PLXNB1: variants seen among roughly 807,000 people sequenced by gnomAD.
PLXNB1 encodes the protein plexin B1.
Under a neutral mutation model 209.4 loss-of-function variants are expected in PLXNB1, and 106 were observed. The observed-to-expected ratio is 0.51, with a 90% CI of 0.43 to 0.59. The LOEUF is 0.59. Among genes scored for constraint, PLXNB1 ranks in the 20% least tolerant of loss-of-function variants. The probability of loss-of-function intolerance (pLI) is 0.00; values close to 1 mark genes in which losing one functional copy is unlikely to be tolerated. For synonymous variants in PLXNB1, 1,167 were observed against 1,183.2 expected, an observed-to-expected ratio of 0.99 and a Z score of 0.28; for missense variants, 2,357 against 2,853.2, an observed-to-expected ratio of 0.83 and a Z score of 3.96.
chr3:48,424,468 G>A lies in PLXNB1; in HGVS notation c.144C>T (p.Tyr48=), dbSNP rs1281241830. 10 of 1,600,138 alleles carry A rather than the reference G, an allele frequency of 6.2e-6. No homozygotes were observed. The highest frequency in any genetic ancestry group is 1.3e-5 in the African/African-American group (1 of 74,682). ...LARDPTSGTL[Y]LGATNFLFQL... ...GGAACAGGAAGTTGGTAGCCCCCAG[G>A]TAGAGGGTGCCTGAGGTGGGGTCCC... The change falls in exon 3 of 38, where the codon TAC becomes TAT. Residue 48 remains tyrosine (Y), a synonymous_variant. Coordinates refer to ENST00000296440, the MANE Select transcript of PLXNB1 (RefSeq NM_001130082.3).
rs1239274660 is a variant in PLXNB1 at position 48,405,038 on chromosome 3, G to A, written c.6304-448C>T. ...AACCGGTAGGAACCGGAGGGCAGCAGCACTTGGGAAAACAGCTACTGCCCA... is the reference window on the plus strand; with the variant it reads ...AACCGGTAGGAACCGGAGGGCAGCAACACTTGGGAAAACAGCTACTGCCCA... On this transcript the variant is annotated intron_variant, in intron 37 of 37. Transcript: ENST00000296440. The surrounding 1 kb of genome is among the most constrained non-coding windows in gnomAD (Gnocchi z 5.0). Among the ~76,000 whole-genome samples the A allele has an allele frequency of 1.3e-5, 2 of 152,172 alleles. No individual in the cohort carries two copies. The highest frequency in any genetic ancestry group is 1.5e-5 in the Non-Finnish European group (1 of 68,024).
In PLXNB1 at chr3:48,413,179, C is replaced by T; in HGVS notation, c.4536-10G>A. 6.2e-7 allele frequency: 1 copy of T among 1,605,498 alleles called. No individual in the cohort carries two copies. Among genetic ancestry groups the T allele is most frequent in the African/African-American group, 1.3e-5 (1 of 74,946 alleles). ...CTGCTTGCTCTTCCTCCTGCTCAGC[C>T]CCAGGGTCAGGAGAGGATGGCCAGA... On this transcript the variant is annotated splice_polypyrimidine_tract_variant and intron_variant, in intron 23 of 37. Transcript: ENST00000296440. This position sits in a 1 kb window ranked among gnomAD's most constrained non-coding sequence, Gnocchi z 5.4.
At chr3:48,423,096 T>C in intron 3 of PLXNB1, 149 bp from the exon 4 acceptor site, 1 of 665,942 alleles carries the variant, frequency 1.5e-6, no homozygotes, top group East Asian at 2.7e-5. Flanking sequence ...TGGGACAATC[T>C]CATCCCCGCC....
rs1325185334 is a variant in PLXNB1 at position 48,420,652 on chromosome 3, A to C, written c.2028+13T>G. The C allele has an allele frequency of 6.2e-7, 1 of 1,608,546 alleles. No homozygotes were observed. The highest frequency in any genetic ancestry group is 1.3e-5 in the African/African-American group (1 of 74,908). ...AACCCCCCCGGTATGGCCCAGCCCA[A>C]AGTCACACTCACCTGATGGCTTGCA... is the stretch of plus-strand genomic sequence containing the variant. On this transcript the variant is annotated intron_variant, in intron 10 of 37. Transcript: ENST00000296440.
Position 48,422,161 on chromosome 3 carries a change from A to C in PLXNB1, c.1464T>G (p.Cys488Trp), listed in dbSNP as rs1354438823. ...GGTCCCTGTGAGCAAGGCAAGATGC[A>C]CAGTCCAGGTGCTGAGCACAGGAAG... ...PVASCAQHLD[C>W]ASCLAHRDPY... Residue 488 changes from cysteine (C) to tryptophan (W), a missense_variant, in exon 6 of 38, where the codon TGT becomes TGG. This residue lies in a region of PLXNB1 where 214 missense variants were observed against 297.1 expected (regional missense o/e 0.72). Transcript: ENST00000296440. 6.2e-7 allele frequency: 1 copy of C among 1,614,178 alleles called. No individual in the cohort carries two copies. Among genetic ancestry groups the C allele is most frequent in the Admixed American group, 1.7e-5 (1 of 60,026 alleles).
chr3:48,404,772 A>C (rs1045931350), intron 37 of PLXNB1, among the ~76,000 whole-genome samples, 182 bp from the exon 38 acceptor site: 3 of 152,036 alleles, frequency 2.0e-5, no homozygotes, highest in African/African-American at 7.2e-5. Flanking sequence ...AATAACATCA[A>C]AGTCACCGCG....
rs1305597887 is a variant in PLXNB1 at position 48,416,741 on chromosome 3, T to C, written c.3375-290A>G. ...AATTTACAAAGGGGCCCTGTCAGCC[T>C]GGTTGTGGGGCGAGCTGCTGAGCAA... On this transcript the variant is annotated intron_variant, in intron 16 of 37. Coordinates refer to ENST00000296440, the MANE Select transcript of PLXNB1 (RefSeq NM_001130082.3). The surrounding 1 kb of genome is among the most constrained non-coding windows in gnomAD (Gnocchi z 4.1). The C allele has an allele frequency of 1.4e-5, 4 of 280,222 alleles. No homozygotes were observed. In the East Asian group the frequency reaches 2.2e-4, roughly 15 times the overall value. 17.4% of individuals were successfully genotyped at this position (280,222 alleles called of 1,614,324 possible). A position where few individuals can be genotyped will look rare whatever the true frequency, so the allele number is the denominator to read the frequency against.
In PLXNB1 at chr3:48,429,660, T is replaced by A. The variant is rs1167458210; in HGVS notation, c.-60+348A>T. On this transcript the variant is annotated intron_variant, in intron 1 of 37. Coordinates refer to ENST00000296440, the MANE Select transcript of PLXNB1 (RefSeq NM_001130082.3). The surrounding 1 kb of genome is among the most constrained non-coding windows in gnomAD (Gnocchi z 6.4). ...CGCACGGGGGAGGGCGGGGGCGGGC[T>A]GCACCGCGGCGGTCGCCATGGCAAC... Among the ~76,000 whole-genome samples, 1 of 151,820 alleles carries A rather than the reference T, an allele frequency of 6.6e-6. No homozygotes were observed. Among genetic ancestry groups the A allele is most frequent in the African/African-American group, 2.4e-5 (1 of 41,362 alleles).
At chr3:48,426,783 G>A (rs918787161) in intron 1 of PLXNB1, among the ~76,000 whole-genome samples, 1 of 152,184 alleles carries the variant, frequency 6.6e-6, no homozygotes, top group Non-Finnish European at 1.5e-5. Context: ...CCAAGGGGGC[G>A]GGGGGAAGGG....
Position 48,409,571 on chromosome 3 carries a change from C to T in PLXNB1, c.5939G>A (p.Ser1980Asn). 1 of 1,613,848 alleles carries T rather than the reference C, an allele frequency of 6.2e-7. No homozygotes were observed. The highest frequency in any genetic ancestry group is 1.1e-5 in the South Asian group (1 of 91,054). ...QDTIHIWKTNSLPLRFWINII... is the reference protein window; with the variant it reads ...QDTIHIWKTNNLPLRFWINII... ...TAGAGCCCACCCAGCTCCACCCCAC[C>T]TGTTGGTCTTCCAGATGTGGATGGT... The change falls in exon 33 of 38, where the codon AGC becomes AAC. Residue 1980 changes from serine to asparagine, a missense_variant and splice_region_variant. By Grantham distance (46) the Ser-to-Asn change is conservative. Coordinates refer to ENST00000296440, the MANE Select transcript of PLXNB1 (RefSeq NM_001130082.3). The surrounding 1 kb of genome is among the most constrained non-coding windows in gnomAD (Gnocchi z 5.8).
intron 1 of PLXNB1, among the ~76,000 whole-genome samples, chr3:48,425,841 G>C (rs747810571): frequency 0.011 from 1,586 of 148,786 alleles, 8 homozygotes; most frequent in African/African-American, 0.013. Flanking sequence ...CACACAGAGA[G>C]AGAGAGATGC....
Position 48,419,783 on chromosome 3 carries a change from C to A in PLXNB1, c.2503G>T (p.Val835Leu). 1 of 1,601,560 alleles carries A rather than the reference C, an allele frequency of 6.2e-7. No individual in the cohort carries two copies. ...GTGAGCCAGTCCAGGGCGGGCTTCA[C>A]GGAGCCCATGGCCCCTGGGAAAGTG... Reference protein sequence around the residue: ...ATTFPGAMGSVKPALDWLTRE... With the variant: ...ATTFPGAMGSLKPALDWLTRE... Residue 835 changes from valine (V) to leucine (L), a missense_variant, in exon 11 of 38, where the codon GTG becomes TTG. Coordinates refer to ENST00000296440, the MANE Select transcript of PLXNB1 (RefSeq NM_001130082.3). This position sits in a 1 kb window ranked among gnomAD's most constrained non-coding sequence, Gnocchi z 5.7.
At position 48,419,018 on chromosome 3, in the gene PLXNB1, A is replaced by T. The variant is rs1446023259; in HGVS notation, c.2854T>A (p.Cys952Ser). The T allele has an allele frequency of 6.2e-7, 1 of 1,613,648 alleles. No individual in the cohort carries two copies. Among genetic ancestry groups the T allele is most frequent in the Non-Finnish European group, 8.5e-7 (1 of 1,179,926 alleles). The stretch of plus-strand genomic sequence containing the variant: ...TCGAGGCCCTCCAGCTCCATCACAC[A>T]CTCATTGTCTCCTGGGCCATCCTGA... ...LFQDGPGDNE[C>S]VMELEGLEVV... Residue 952 changes from cysteine to serine, a missense_variant, in exon 13 of 38, where the codon TGT becomes AGT. Physicochemically the swap from Cys to Ser is moderately radical, Grantham distance 112. Around this residue, in one of 7 missense-constraint regions of PLXNB1, gnomAD observed 410 missense variants for 401.0 expected, o/e 1.02. Transcript: ENST00000296440. The surrounding 1 kb of genome is among the most constrained non-coding windows in gnomAD (Gnocchi z 5.7).
In PLXNB1 at chr3:48,421,798, C is replaced by T. The variant is rs759375530; in HGVS notation, c.1529G>A (p.Arg510His). The T allele has an allele frequency of 5.6e-6, 9 of 1,597,150 alleles. No homozygotes were observed. The highest frequency in any genetic ancestry group is 3.4e-5 in the Admixed American group (2 of 59,566). The part of the protein sequence containing the change: ...GWCVLLGRCS[R>H]RSECSRGQGP... ...CTGGCCCCTCGAGCACTCAGAACGGCGACTGCACCTGGGCGAGATGACCAG... is the reference window on the plus strand; with the variant it reads ...CTGGCCCCTCGAGCACTCAGAACGGTGACTGCACCTGGGCGAGATGACCAG... The change falls in exon 7 of 38, where the codon CGC becomes CAC. Residue 510 changes from arginine (R) to histidine (H), a missense_variant. Transcript: ENST00000296440.
chr3:48,413,201 C>T lies in PLXNB1; in HGVS notation c.4536-32G>A, dbSNP rs777359207. The T allele has an allele frequency of 6.5e-7, 1 of 1,544,754 alleles. No individual in the cohort carries two copies. The highest frequency in any genetic ancestry group is 1.4e-5 in the African/African-American group (1 of 73,802). On this transcript the variant is annotated intron_variant, in intron 23 of 37. Transcript: ENST00000296440. The surrounding 1 kb of genome is among the most constrained non-coding windows in gnomAD (Gnocchi z 5.4). ...AGCCCCAGGGTCAGGAGAGGATGGCCAGATGAGTCCTACTCGCCCAGGCCT... is the reference window on the plus strand; with the variant it reads ...AGCCCCAGGGTCAGGAGAGGATGGCTAGATGAGTCCTACTCGCCCAGGCCT...
At chr3:48,426,519 T>C (rs77274947) in intron 1 of PLXNB1, among the ~76,000 whole-genome samples, 2,086 of 152,338 alleles carry the variant, frequency 0.014, 45 homozygotes, top group African/African-American at 0.047. Context: ...CGGCTCATCC[T>C]AGCAGATGAG....
rs1429940924 is a variant in PLXNB1 at position 48,410,272 on chromosome 3, G to A, written c.5605+24C>T. 2 of 1,569,116 alleles carry A rather than the reference G, an allele frequency of 1.3e-6. No individual in the cohort carries two copies. The highest frequency in any genetic ancestry group is 1.2e-5 in the South Asian group (1 of 85,264). On this transcript the variant is annotated intron_variant, in intron 31 of 37. Transcript: ENST00000296440. This position sits in a 1 kb window ranked among gnomAD's most constrained non-coding sequence, Gnocchi z 6.4. ...CGGGCTGGGCACAGCAGGGGCAGAGGACCGTGATGGGAGCGGTACTCACGC... is the reference window on the plus strand; with the variant it reads ...CGGGCTGGGCACAGCAGGGGCAGAGAACCGTGATGGGAGCGGTACTCACGC...
At position 48,415,440 on chromosome 3, in the gene PLXNB1, A is replaced by G; in HGVS notation, c.3795-93T>C. 1 of 1,460,018 alleles carries G rather than the reference A, an allele frequency of 6.8e-7. No homozygotes were observed. Among genetic ancestry groups the G allele is most frequent in the Non-Finnish European group, 9.3e-7 (1 of 1,071,148 alleles). 90.4% of individuals were successfully genotyped at this position (1,460,018 alleles called of 1,614,324 possible). A position where few individuals can be genotyped will look rare whatever the true frequency, so the allele number is the denominator to read the frequency against. ...GTCCCGGCTAGGTCAGCTCAGCCCC[A>G]GCCCCAAACCACACGACCCCTTGCC... On this transcript the variant is annotated intron_variant, in intron 19 of 37. Coordinates refer to ENST00000296440, the MANE Select transcript of PLXNB1 (RefSeq NM_001130082.3). This position sits in a 1 kb window ranked among gnomAD's most constrained non-coding sequence, Gnocchi z 5.0.
Position 48,423,916 on chromosome 3 carries a change from G to C in PLXNB1, c.696C>G (p.Phe232Leu). 1 of 1,614,178 alleles carries C rather than the reference G, an allele frequency of 6.2e-7. No homozygotes were observed. The highest frequency in any genetic ancestry group is 1.1e-5 in the South Asian group (1 of 91,086). Residue 232 changes from phenylalanine to leucine, a missense_variant, in exon 3 of 38, where the codon TTC becomes TTG. Phe to Leu is a conservative substitution (Grantham distance 22). This residue lies in a region of PLXNB1 where 404 missense variants were observed against 443.6 expected (regional missense o/e 0.91). Coordinates refer to ENST00000296440, the MANE Select transcript of PLXNB1 (RefSeq NM_001130082.3). ...FARGASAYFLFLRRDLQAQSR... is the reference protein window; with the variant it reads ...FARGASAYFLLLRRDLQAQSR... Reference sequence around the variant, plus strand: ...ACTGAGCCTGCAGGTCCCGCCGCAGGAACAGGAAGTAGGCGCTGGCCCCAC... The same window carrying C: ...ACTGAGCCTGCAGGTCCCGCCGCAGCAACAGGAAGTAGGCGCTGGCCCCAC...
Sources: gnomAD v4.1 joint callset for allele counts (sites outside exome capture counted in the v4.1 genomes callset) on GRCh38, gnomAD v4.1.1 for gene constraint, gnomAD v4.1.1 regional missense constraint, Gnocchi (gnomAD v3.1) non-coding constraint, MANE v1.5 for transcripts, NCBI Gene and HGNC (gene_info 2026-07-23, HGNC 2026-07-21) for gene names.